Variants in ZNF236 observed in about 807,000 individuals in gnomAD.
The protein encoded by ZNF236 is regulated by glucose.
Under a neutral mutation model 191.2 loss-of-function variants are expected in ZNF236, and 50 were observed. The observed-to-expected ratio is 0.26, with a 90% CI of 0.21 to 0.33. The LOEUF (loss-of-function observed/expected upper bound fraction) is 0.33, where lower values mean the gene tolerates loss of function less well. Ranked by LOEUF, ZNF236 falls within the 10% of genes least tolerant of loss-of-function variation. The probability of loss-of-function intolerance (pLI) is 1.00; values close to 1 mark genes in which losing one functional copy is unlikely to be tolerated. For synonymous variants in ZNF236, 907 were observed against 928.8 expected, an observed-to-expected ratio of 0.98 and a Z score of 0.43; for missense variants, 1,754 against 2,374.5, an observed-to-expected ratio of 0.74 and a Z score of 5.43.
At position 76,928,018 on chromosome 18, in the gene ZNF236, C is replaced by T. The variant is rs769004065; in HGVS notation, c.4506C>T (p.Ser1502=). 5.6e-6 allele frequency: 9 copies of T among 1,613,892 alleles called. 1 individual carries two copies. Among genetic ancestry groups the T allele is most frequent in the South Asian group, 5.5e-5 (5 of 91,070 alleles). The change falls in exon 25 of 31, where the codon TCC becomes TCT. Residue 1502 remains serine, a synonymous_variant. Coordinates refer to ENST00000320610, the MANE Select transcript of ZNF236 (RefSeq NM_001306089.2). ...PHEITLTINN[S]SLSQVLAQAA... is the part of the protein sequence containing the mutation. ...AGATCACCCTGACCATTAACAACTC[C>T]AGCCTGAGCCAGGTCCTGGCACAGG...
rs752700266 is a variant in ZNF236 at position 76,928,050 on chromosome 18, G to A, written c.4538G>A (p.Gly1513Glu). The change falls in exon 25 of 31, where the codon GGG (glycine) becomes GAG (glutamate). Residue 1513 changes from glycine (G) to glutamate (E), a missense_variant. By Grantham distance (98) the Gly-to-Glu change is moderately conservative. This residue lies in a region of ZNF236 where 606 missense variants were observed against 761.5 expected (regional missense o/e 0.80). Coordinates refer to ENST00000320610, the MANE Select transcript of ZNF236 (RefSeq NM_001306089.2). ...SLSQVLAQAA[G>E]PTATSSSGSP... is the part of the protein sequence containing the mutation. Reference sequence around the variant, plus strand: ...AGCCAGGTCCTGGCACAGGCCGCTGGGCCCACTGCCACGTCTTCCTCGGGG... The same window carrying A: ...AGCCAGGTCCTGGCACAGGCCGCTGAGCCCACTGCCACGTCTTCCTCGGGG... The A allele has an allele frequency of 7.4e-6, 12 of 1,613,418 alleles. No individual in the cohort carries two copies. The highest frequency in any genetic ancestry group is 1.1e-5 in the South Asian group (1 of 91,040).
At position 76,875,706 on chromosome 18, in the gene ZNF236, C is replaced by T; in HGVS notation, c.840+42C>T. 1 of 1,399,624 alleles carries T rather than the reference C, an allele frequency of 7.1e-7. No homozygotes were observed. The highest frequency in any genetic ancestry group is 9.4e-7 in the Non-Finnish European group (1 of 1,064,806). The allele number at this position is 1,399,624 out of a possible 1,614,324, so 86.7% of individuals were successfully genotyped here. On this transcript the variant is annotated intron_variant, in intron 6 of 30. Transcript: ENST00000320610. The surrounding 1 kb of genome is among the most constrained non-coding windows in gnomAD (Gnocchi z 4.3). ...GGCATAAGCGGTATTTCACAGGGGA[C>T]AGTAGGTATCTTTTGGGTTAATAAA... is the stretch of plus-strand genomic sequence containing the variant.
intron 9 of ZNF236, 69 bp from the exon 10 acceptor site, chr18:76,894,944 C>G: frequency 6.4e-7 from 1 of 1,572,230 alleles, no homozygotes; most frequent in South Asian, 1.2e-5. Flanking sequence ...GTGGGGACCA[C>G]AGGGGGTCCT....
At chr18:76,909,280 A>C (rs2122760478) in intron 14 of ZNF236, among the ~76,000 whole-genome samples, 1 of 143,074 alleles carries the variant, frequency 7.0e-6, no homozygotes, top group African/African-American at 2.6e-5. Context: ...GCGCCATTGC[A>C]CTCCAGCCTG....
At chr18:76,895,481 G>T in intron 10 of ZNF236, 196 bp downstream of exon 10, 1 of 744,042 alleles carries the variant, frequency 1.3e-6, no homozygotes, top group Non-Finnish European at 2.1e-6. Context: ...ACCCACACCG[G>T]TACTGCCCAC....
At chr18:76,911,899 ATAT>A (rs1967226817) in intron 16 of ZNF236, among the ~76,000 whole-genome samples, 3 of 152,200 alleles carry the variant, frequency 2.0e-5, no homozygotes, top group Admixed American at 1.3e-4. Flanking sequence ...AGGAGACATA[ATAT>A]TATACTCTCT....
intron 9 of ZNF236, among the ~76,000 whole-genome samples, chr18:76,892,233 A>G (rs1977268803): frequency 1.4e-5 from 1 of 71,944 alleles, no homozygotes; most frequent in African/African-American, 5.6e-5. Flanking sequence ...AAACTTGGGT[A>G]TCTTTCTGAG....
At chr18:76,842,753 A>G (rs9959384) in intron 1 of ZNF236, among the ~76,000 whole-genome samples, 27,826 of 148,766 alleles carry the variant, frequency 0.19, 2,640 homozygotes, top group Middle Eastern at 0.26. Context: ...CTCTGTCTCA[A>G]AAAAAAAAAA....
rs530438380 is a variant in ZNF236, at chr18:76,942,148, C to T, written c.4782+4805C>T. Among the ~76,000 whole-genome samples the T allele has an allele frequency of 4.6e-5, 7 of 152,212 alleles. No individual in the cohort carries two copies. The South Asian group carries it at 1.2e-3, about 27-fold the overall frequency. On this transcript the variant is annotated intron_variant, in intron 26 of 30. Coordinates refer to ENST00000320610, the MANE Select transcript of ZNF236 (RefSeq NM_001306089.2). Reference sequence around the variant, plus strand: ...GAGTTATTCACTAGGGGATAAATGTCGAATGATTTAATATTACTTCCTTAA... The same window carrying T: ...GAGTTATTCACTAGGGGATAAATGTTGAATGATTTAATATTACTTCCTTAA...
chr18:76,912,641 C>T (rs1335002254), intron 17 of ZNF236, among the ~76,000 whole-genome samples: 1 of 152,162 alleles, frequency 6.6e-6, no homozygotes, highest in Non-Finnish European at 1.5e-5. Flanking sequence ...ATTATTATTC[C>T]ATTTTCGAAA....
intron 3 of ZNF236, among the ~76,000 whole-genome samples, chr18:76,858,316 C>G (rs547339810): frequency 1.3e-5 from 2 of 152,272 alleles, no homozygotes; most frequent in East Asian, 1.9e-4. Flanking sequence ...TTTGTATAAC[C>G]TTTTCCTGGA....
intron 1 of ZNF236, among the ~76,000 whole-genome samples, chr18:76,834,014 C>G (rs1599311625): frequency 6.6e-6 from 1 of 152,072 alleles, no homozygotes; most frequent in Admixed American, 6.6e-5. Context: ...TTTTAAATTG[C>G]AGATTCAGTT....
At chr18:76,870,884 C>T (rs550790739) in intron 4 of ZNF236, among the ~76,000 whole-genome samples, 5 of 152,142 alleles carry the variant, frequency 3.3e-5, no homozygotes, top group East Asian at 1.9e-4. Flanking sequence ...GATGGGAGTC[C>T]TTGGAGGGTT....
At chr18:76,888,003 G>A (rs1350269484) in intron 9 of ZNF236, 1 of 149,522 alleles carries the variant, frequency 6.7e-6, no homozygotes, top group Non-Finnish European at 1.5e-5. Flanking sequence ...GTTCCACCAG[G>A]TTTGAATGCA....
intron 2 of ZNF236, among the ~76,000 whole-genome samples, chr18:76,851,427 G>C: frequency 6.6e-6 from 1 of 152,010 alleles, no homozygotes; most frequent in African/African-American, 2.4e-5. Context: ...CACCGTGCCT[G>C]GGCACAGAAA....
intron 27 of ZNF236, among the ~76,000 whole-genome samples, chr18:76,952,363 A>G (rs1475408525): frequency 6.6e-6 from 1 of 152,216 alleles, no homozygotes; most frequent in East Asian, 1.9e-4. Flanking sequence ...ATCATGGTCT[A>G]ATTTCATCCT....
chr18:76,879,678 A>T (rs1297448896), intron 7 of ZNF236, among the ~76,000 whole-genome samples: 1 of 152,196 alleles, frequency 6.6e-6, no homozygotes, highest in Non-Finnish European at 1.5e-5. Flanking sequence ...TGGCTGTAGC[A>T]TTACAGCGCC....
chr18:76,918,599 AT>A (rs1369022450), intron 19 of ZNF236, among the ~76,000 whole-genome samples: 4 of 151,710 alleles, frequency 2.6e-5, no homozygotes, highest in South Asian at 2.1e-4. Flanking sequence ...ATTTAAAAAA[AT>A]TTTTTTTTGT....
intron 4 of ZNF236, among the ~76,000 whole-genome samples, chr18:76,869,197 T>C (rs751595461): frequency 2.6e-5 from 4 of 152,228 alleles, no homozygotes; most frequent in Admixed American, 6.5e-5. Flanking sequence ...ATAAATTAGT[T>C]TGTGGTACCC....
Sources: gnomAD v4.1 joint callset for allele counts (sites outside exome capture counted in the v4.1 genomes callset) on GRCh38, gnomAD v4.1.1 for gene constraint, gnomAD v4.1.1 regional missense constraint, Gnocchi (gnomAD v3.1) non-coding constraint, MANE v1.5 for transcripts, NCBI Gene and HGNC (gene_info 2026-07-23, HGNC 2026-07-21) for gene names.